LY6G5B: variants seen among roughly 807,000 people sequenced by gnomAD.
LY6G5B encodes lymphocyte antigen 6 complex locus protein G5b.
In LY6G5B, 6 loss-of-function variants were observed where a neutral mutation model predicts 6.7. That is an observed-to-expected ratio of 0.89 (90% CI 0.49 to 1.76). LY6G5B has a LOEUF of 1.76. LY6G5B is among the 40% of genes most tolerant of loss of function. The pLI is 0.01. For missense variants in LY6G5B, 240 were observed against 249.5 expected, an observed-to-expected ratio of 0.96 and a Z score of 0.26; for synonymous variants, 98 against 99.4, an observed-to-expected ratio of 0.99 and a Z score of 0.09.
At chr6:31,670,091 T>G, upstream of LY6G5B, 1 of 660,320 alleles carries the variant, frequency 1.5e-6, no homozygotes, top group Non-Finnish European at 2.5e-6. Flanking sequence ...TGGTGCTTGC[T>G]GTTGGGGAAG....
exon 3 of LY6G5B, chr6:31,671,926 A>G: frequency 3.1e-6 from 5 of 1,613,098 alleles, no homozygotes; most frequent in South Asian, 1.1e-5. Context: ...CTGCCAAGAA[A>G]AACGCAACAC....
rs534379404 is a variant in LY6G5B, at chr6:31,672,224, A to G, written c.548A>G (p.Asn183Ser). The change falls in exon 3 of 3, where the codon AAT becomes AGT. Residue 183 changes from asparagine (N) to serine (S), a missense_variant. Physicochemically the swap from Asn to Ser is conservative, Grantham distance 46 (BLOSUM62 1). Coordinates refer to ENST00000375864, the Ensembl canonical transcript of LY6G5B. ...CTGCGCCGCATGTACTTGTTCCTCA[A>G]TAGTTCAGGACTTTTGGTTCTTCCC... 37 of 1,613,076 alleles carry G rather than the reference A, an allele frequency of 2.3e-5. No individual in the cohort carries two copies. The highest frequency in any genetic ancestry group is 2.0e-4 in the East Asian group (9 of 44,884).
exon 3 of LY6G5B, chr6:31,672,258 A>G (rs771782072): frequency 1.2e-6 from 2 of 1,612,442 alleles, no homozygotes; most frequent in Admixed American, 3.3e-5. Context: ...CCCAGGCTGG[A>G]CTCTTGACAC....
At chr6:31,671,340 TCTC>T in intron 2 of LY6G5B, 56 bp downstream of exon 2, 1 of 1,609,244 alleles carries the variant, frequency 6.2e-7, no homozygotes, top group Non-Finnish European at 8.5e-7. Context: ...CTTGGTCTTC[TCTC>T]CTCTCACAGA....
In LY6G5B at chr6:31,672,087, C is replaced by A. The variant is rs761242488; in HGVS notation, c.411C>A (p.Tyr137Ter). The A allele has an allele frequency of 4.3e-6, 7 of 1,612,958 alleles. No individual in the cohort carries two copies. The Middle Eastern group carries it at 4.9e-4, about 114-fold the overall frequency. Reference sequence around the variant, plus strand: ...CTGACTCCCAGATTCAGTGGTTCTACCAGGCCCTGAACCTCTCCCTGCCCC... The same window carrying A: ...CTGACTCCCAGATTCAGTGGTTCTAACAGGCCCTGAACCTCTCCCTGCCCC... The change falls in exon 3 of 3, where the codon TAC (tyrosine) becomes TAA (stop). Residue 137 changes from tyrosine to a stop codon, truncating the protein, a stop_gained. Coordinates refer to ENST00000375864, the Ensembl canonical transcript of LY6G5B. LOFTEE classifies it low-confidence loss of function (END_TRUNC).
At chr6:31,672,487 C>A in exon 3 of LY6G5B, 1 of 642,000 alleles carries the variant, frequency 1.6e-6, no homozygotes, top group Non-Finnish European at 2.6e-6. Flanking sequence ...CTCTGTCACC[C>A]AGGGTGGAGT....
At chr6:31,672,696 G>A (rs1464001649) in exon 3 of LY6G5B, 4 of 182,470 alleles carry the variant, frequency 2.2e-5, no homozygotes, top group East Asian at 1.6e-4. Flanking sequence ...TGCCCTCCTC[G>A]ACCTCCCAAA....
At chr6:31,672,035 A>G in exon 3 of LY6G5B, 5 of 1,612,998 alleles carry the variant, frequency 3.1e-6, no homozygotes, top group South Asian at 1.1e-5. Flanking sequence ...CCGGAGCCCC[A>G]TGACAGGCCC....
exon 2 of LY6G5B, chr6:31,671,223 A>G: frequency 6.2e-7 from 1 of 1,614,052 alleles, no homozygotes; most frequent in South Asian, 1.1e-5. Flanking sequence ...GATGCATTTC[A>G]GGCTCAGAGA....
chr6:31,671,139 T>TC lies in LY6G5B; in HGVS notation c.59-15dup. 6.2e-7 allele frequency: 1 copy of TC among 1,613,858 alleles called. No individual in the cohort carries two copies. The highest frequency in any genetic ancestry group is 8.5e-7 in the Non-Finnish European group (1 of 1,179,946). On this transcript the variant is annotated splice_polypyrimidine_tract_variant and intron_variant, in intron 1 of 2. Coordinates refer to ENST00000375864, the Ensembl canonical transcript of LY6G5B. ...GAGAGTGACCCAGTGCCTCCATCCC[T>TC]CCTTCTGCCTCCCCAGTTCCTGTTC...
upstream of LY6G5B, chr6:31,669,976 C>A: frequency 1.3e-6 from 2 of 1,499,270 alleles, no homozygotes; most frequent in Admixed American, 1.9e-5. The surrounding 1 kb of genome is among the most constrained non-coding windows in gnomAD (Gnocchi z 4.8). Flanking sequence ...TTCTTTTTTG[C>A]CACCCTTTCA....
exon 1 of LY6G5B, chr6:31,670,961 A>G (rs772024954): frequency 4.3e-6 from 7 of 1,609,614 alleles, no homozygotes; most frequent in Non-Finnish European, 5.9e-6. Flanking sequence ...ATGAAGGTCC[A>G]TATGCTTGTA....
chr6:31,670,896 A>G, exon 1 of LY6G5B: 2 of 1,531,430 alleles, frequency 1.3e-6, no homozygotes, highest in Non-Finnish European at 1.8e-6. Flanking sequence ...GGTCACAGGA[A>G]GGTGGGGTTT....
rs1277706060 is a variant in LY6G5B at position 31,671,829 on chromosome 6, T to C, written c.188-35T>C. On this transcript the variant is annotated intron_variant, in intron 2 of 2. Coordinates refer to ENST00000375864, the Ensembl canonical transcript of LY6G5B. ...GGGGTTCTTGGACTATGGGAAGCTATTGGAAGGGGTTATCAGCTTTCCCCT... is the reference window on the plus strand; with the variant it reads ...GGGGTTCTTGGACTATGGGAAGCTACTGGAAGGGGTTATCAGCTTTCCCCT... 1.9e-6 allele frequency: 3 copies of C among 1,576,594 alleles called. No individual in the cohort carries two copies. In the Admixed American group the frequency reaches 5.3e-5, roughly 28 times the overall value.
chr6:31,670,776 C>T (rs934938292), exon 1 of LY6G5B: 1 of 653,926 alleles, frequency 1.5e-6, no homozygotes, highest in Non-Finnish European at 2.6e-6. Context: ...CAAGTAATAA[C>T]TTCCTTCCCA....
chr6:31,670,950 A>G (rs370678381), exon 1 of LY6G5B: 1 of 1,602,622 alleles, frequency 6.2e-7, no homozygotes, highest in Non-Finnish European at 8.5e-7. Context: ...AGAATTCCAA[A>G]ATGAAGGTCC....
rs936355462 is a variant in LY6G5B at position 31,672,394 on chromosome 6, C to G, written c.*112C>G. The G allele has an allele frequency of 2.0e-5, 23 of 1,126,600 alleles. No homozygotes were observed. In the Middle Eastern group the frequency reaches 6.5e-4, roughly 32 times the overall value. The allele number at this position is 1,126,600 out of a possible 1,614,324, so 69.8% of individuals were successfully genotyped here. A position where few individuals can be genotyped will look rare whatever the true frequency, so the allele number is the denominator to read the frequency against. Reference sequence around the variant, plus strand: ...ATTTCTTAGGCCTCCGTCTGTTGTACCACTAGCATCTATATGACTTTTGTG... The same window carrying G: ...ATTTCTTAGGCCTCCGTCTGTTGTAGCACTAGCATCTATATGACTTTTGTG... On this transcript the variant is annotated 3_prime_UTR_variant, in exon 3 of 3. Coordinates refer to ENST00000375864, the Ensembl canonical transcript of LY6G5B.
At chr6:31,672,315 C>T in exon 3 of LY6G5B, 1 of 1,586,846 alleles carries the variant, frequency 6.3e-7, no homozygotes. Context: ...CTGTAACACC[C>T]TCAGCATCCT....
exon 3 of LY6G5B, chr6:31,673,417 G>C (rs1486628806): frequency 6.6e-6 from 1 of 152,644 alleles, no homozygotes; most frequent in Non-Finnish European, 1.5e-5. Flanking sequence ...TGGCTTCCTC[G>C]GCCCCATTTC....
Sources: allele counts gnomAD v4.1 joint callset, GRCh38; gene constraint gnomAD v4.1.1; non-coding constraint Gnocchi (gnomAD v3.1); transcripts MANE v1.5; gene names NCBI Gene and HGNC (gene_info 2026-07-23, HGNC 2026-07-21).